Variants in PCDHAC2 observed in about 807,000 individuals in gnomAD.
The protein encoded by PCDHAC2 is protocadherin alpha subfamily C, 2, also known as protocadherin alpha-C2.
A neutral mutation model predicts 63.3 loss-of-function variants in PCDHAC2; 24 were observed. That is an observed-to-expected ratio of 0.38 (90% CI 0.27 to 0.53). The LOEUF (loss-of-function observed/expected upper bound fraction) is 0.53, where lower values mean the gene tolerates loss of function less well. PCDHAC2 is among the 20% of genes least tolerant of loss of function. The pLI is 0.81. For missense variants in PCDHAC2, 1,181 were observed against 1,275.2 expected (o/e 0.93, Z 1.12); for synonymous variants, 569 against 529.4 (o/e 1.07, Z -1.03).
At chr5:140,976,208 A>G (rs2096706017) in intron 1 of PCDHAC2, among the ~76,000 whole-genome samples, 1 of 152,202 alleles carries the variant, frequency 6.6e-6, no homozygotes, top group Non-Finnish European at 1.5e-5. Context: ...TCAGAAGTAA[A>G]AAAGAGAAAG....
intron 3 of PCDHAC2, among the ~76,000 whole-genome samples, chr5:140,995,339 G>A (rs782776966): frequency 1.3e-4 from 20 of 152,026 alleles, no homozygotes; most frequent in Non-Finnish European, 7.4e-5. Context: ...TAGTGTAGAC[G>A]GCATGGATAG....
At chr5:140,970,960 G>T (rs3776114) in intron 1 of PCDHAC2, among the ~76,000 whole-genome samples, 54,597 of 152,034 alleles carry the variant, frequency 0.36, 10,036 homozygotes, top group Admixed American at 0.46. Context: ...ATGGGAGGCA[G>T]ATTGTAGATT....
At chr5:141,006,606 C>T (rs782461917) in intron 3 of PCDHAC2, among the ~76,000 whole-genome samples, 3 of 152,112 alleles carry the variant, frequency 2.0e-5, no homozygotes, top group Non-Finnish European at 4.4e-5. Flanking sequence ...TGGAAGCAGA[C>T]TGAATAAGGA....
At chr5:141,009,450 A>G (rs1272306412) in intron 3 of PCDHAC2, among the ~76,000 whole-genome samples, 177 bp from the exon 4 acceptor site, 1 of 152,250 alleles carries the variant, frequency 6.6e-6, no homozygotes, top group Non-Finnish European at 1.5e-5. Context: ...TCTCAAAAAA[A>G]TTAAACAAAT....
intron 3 of PCDHAC2, among the ~76,000 whole-genome samples, chr5:140,999,046 T>C (rs2097844534): frequency 6.6e-6 from 1 of 152,228 alleles, no homozygotes; most frequent in South Asian, 2.1e-4. Flanking sequence ...CAGTGTGCTT[T>C]CCACCATGCC....
chr5:141,000,419 A>ATTTTTT (rs1563652468), intron 3 of PCDHAC2, among the ~76,000 whole-genome samples: 3 of 60,996 alleles, frequency 4.9e-5, no homozygotes, highest in African/African-American at 7.6e-5. Context: ...ATATATATAT[A>ATTTTTT]TATTTTTTTT....
chr5:141,004,274 A>T (rs2098160407), intron 3 of PCDHAC2, among the ~76,000 whole-genome samples: 1 of 152,212 alleles, frequency 6.6e-6, no homozygotes, highest in Admixed American at 6.5e-5. Flanking sequence ...CACAGTCTAC[A>T]TGCTGCTGAG....
chr5:140,968,755 A>G lies in PCDHAC2; in HGVS notation c.1989A>G (p.Arg663=). ...GSTFNLTVVV[R]DNGEPSLSAS... is the part of the protein sequence containing the mutation. The stretch of plus-strand genomic sequence containing the variant: ...CTTTCAACCTGACCGTGGTGGTCCG[A>G]GATAATGGAGAGCCATCACTATCAG... The change falls in exon 1 of 4, where the codon CGA becomes CGG. Residue 663 remains arginine, a synonymous_variant. Transcript: ENST00000289269. The G allele has an allele frequency of 6.2e-7, 1 of 1,614,200 alleles. No individual in the cohort carries two copies.
chr5:140,981,881 C>G (rs138571007), intron 2 of PCDHAC2, among the ~76,000 whole-genome samples: 1 of 152,158 alleles, frequency 6.6e-6, no homozygotes, highest in Non-Finnish European at 1.5e-5. Context: ...CTGAATTAAT[C>G]TCTTCTGAGC....
chr5:140,994,072 G>T (rs1587604928), intron 3 of PCDHAC2, among the ~76,000 whole-genome samples: 1 of 152,242 alleles, frequency 6.6e-6, no homozygotes, highest in East Asian at 1.9e-4. Flanking sequence ...TAATGGTGAA[G>T]GGAGAAATGT....
intron 3 of PCDHAC2, among the ~76,000 whole-genome samples, chr5:140,994,980 C>A (rs1311252472): frequency 4.6e-5 from 7 of 151,992 alleles, no homozygotes; most frequent in Admixed American, 1.3e-4. Flanking sequence ...CCATGGAGAC[C>A]CACTAGAAGG....
intron 3 of PCDHAC2, among the ~76,000 whole-genome samples, chr5:141,005,360 A>G (rs1215157808): frequency 6.6e-6 from 1 of 152,184 alleles, no homozygotes; most frequent in Non-Finnish European, 1.5e-5. Flanking sequence ...TAGGAATGTC[A>G]TAGAATGCCT....
At chr5:141,008,512 C>A (rs1006553111) in intron 3 of PCDHAC2, among the ~76,000 whole-genome samples, 2 of 152,094 alleles carry the variant, frequency 1.3e-5, no homozygotes, top group Non-Finnish European at 2.9e-5. Context: ...GGTGTGTCTT[C>A]CAATCAGACT....
In PCDHAC2 at chr5:140,966,665, G is replaced by A; in HGVS notation, c.-102G>A. On this transcript the variant is annotated 5_prime_UTR_variant, in exon 1 of 4. Transcript: ENST00000289269. ...TAGAGCGTGAGCGGTGGGGGAGCAG[G>A]CGCAGGGTGGCACGAGCGGAGGCGG... 1 of 1,258,258 alleles carries A rather than the reference G, an allele frequency of 7.9e-7. No homozygotes were observed. The allele number at this position is 1,258,258 out of a possible 1,614,324, so 77.9% of individuals were successfully genotyped here. A position where few individuals can be genotyped will look rare whatever the true frequency, so the allele number is the denominator to read the frequency against.
intron 3 of PCDHAC2, among the ~76,000 whole-genome samples, chr5:140,997,565 A>G (rs552009994): frequency 6.6e-6 from 1 of 152,292 alleles, no homozygotes; most frequent in South Asian, 2.1e-4. Flanking sequence ...CAACTGTCAT[A>G]TGTGTGGTCC....
At chr5:140,971,366 G>A (rs1554233245) in intron 1 of PCDHAC2, among the ~76,000 whole-genome samples, 1 of 152,186 alleles carries the variant, frequency 6.6e-6, no homozygotes, top group Non-Finnish European at 1.5e-5. Flanking sequence ...TTTGCCAGGA[G>A]AGTGCATGAC....
intron 3 of PCDHAC2, among the ~76,000 whole-genome samples, chr5:140,996,177 C>T (rs1214472705): frequency 6.6e-6 from 1 of 152,226 alleles, no homozygotes; most frequent in Non-Finnish European, 1.5e-5. Flanking sequence ...GCTGACAGCA[C>T]CTCCATTTTA....
In PCDHAC2 at chr5:140,997,121, A is replaced by G. The variant is rs138556400; in HGVS notation, c.2714-12506A>G. On this transcript the variant is annotated intron_variant, in intron 3 of 3. Transcript: ENST00000289269. ...CTCATGCACTCCTGCTCTCCCACAT[A>G]CACAATGCCCCCACACCCCCGCCAC... 2.1e-4 allele frequency among the ~76,000 whole-genome samples: 32 copies of G among 152,152 alleles called. No individual in the cohort carries two copies. The East Asian group carries it at 5.8e-3, about 28-fold the overall frequency.
At chr5:140,996,495 G>A (rs2097728470) in intron 3 of PCDHAC2, among the ~76,000 whole-genome samples, 2 of 152,156 alleles carry the variant, frequency 1.3e-5, no homozygotes, top group South Asian at 4.1e-4. Context: ...GGCAAGTCTG[G>A]CTTCTTGGGG....
Sources: gnomAD v4.1 joint callset for allele counts (sites outside exome capture counted in the v4.1 genomes callset) on GRCh38, gnomAD v4.1.1 for gene constraint, MANE v1.5 for transcripts, NCBI Gene and HGNC (gene_info 2026-07-23, HGNC 2026-07-21) for gene names.